SORCS1: variants seen among roughly 807,000 people sequenced by gnomAD.
SORCS1 encodes the protein sortilin related VPS10 domain containing receptor 1, also known as VPS10 domain-containing receptor SorCS1.
SORCS1 carries 60 observed loss-of-function variants against 146.1 expected under a neutral mutation model. The observed-to-expected ratio is 0.41, with a 90% confidence interval of 0.33 to 0.51. The LOEUF (loss-of-function observed/expected upper bound fraction) is 0.51, where lower values mean the gene tolerates loss of function less well. Ranked by LOEUF, SORCS1 falls within the 20% of genes least tolerant of loss-of-function variation. SORCS1 has a pLI of 0.21. For missense variants in SORCS1, 1,352 were observed against 1,487.6 expected (o/e 0.91, Z 1.50); for synonymous variants, 637 against 584.0 (o/e 1.09, Z -1.31).
At chr10:107,160,270 T>C (rs567319129) in intron 1 of SORCS1, among the ~76,000 whole-genome samples, 91 of 152,352 alleles carry the variant, frequency 6.0e-4, no homozygotes, top group African/African-American at 2.2e-3. Context: ...CAAGCCCTTC[T>C]GTGCAGTCTG....
intron 1 of SORCS1, among the ~76,000 whole-genome samples, chr10:107,118,578 G>A (rs893257791): frequency 6.6e-6 from 1 of 152,078 alleles, no homozygotes; most frequent in African/African-American, 2.4e-5. Flanking sequence ...AAATCTGTGA[G>A]GGACTTTGCA....
At chr10:107,125,879 C>A (rs749227104) in intron 1 of SORCS1, among the ~76,000 whole-genome samples, 6 of 152,116 alleles carry the variant, frequency 3.9e-5, no homozygotes, top group Non-Finnish European at 8.8e-5. Context: ...ATTAAACCAT[C>A]ATTATGGGAA....
intron 2 of SORCS1, among the ~76,000 whole-genome samples, chr10:106,837,628 T>C (rs1016720782): frequency 1.3e-5 from 2 of 150,342 alleles, no homozygotes; most frequent in Non-Finnish European, 3.0e-5. Context: ...CTACAACAAA[T>C]AAATCTCTCA....
At chr10:107,047,160 C>T (rs1255687412) in intron 1 of SORCS1, among the ~76,000 whole-genome samples, 1 of 151,856 alleles carries the variant, frequency 6.6e-6, no homozygotes. Flanking sequence ...GGCTACTTTT[C>T]GTATTTTTAG....
At chr10:107,179,333 A>G in the SORCS1 span, among the ~76,000 whole-genome samples, 4 of 152,192 alleles carry the variant, frequency 2.6e-5, no homozygotes, top group African/African-American at 9.6e-5. Flanking sequence ...AATTAGCCTG[A>G]TGTAATCATT....
intron 2 of SORCS1, 78 bp downstream of exon 2, chr10:106,956,435 G>T: frequency 7.4e-7 from 1 of 1,349,788 alleles, no homozygotes; most frequent in Non-Finnish European, 1.0e-6. Flanking sequence ...TTCCTGCCAG[G>T]AAAAAGTGGG....
chr10:106,947,305 T>C (rs1011025877), intron 2 of SORCS1, among the ~76,000 whole-genome samples: 1 of 152,214 alleles, frequency 6.6e-6, no homozygotes, highest in African/African-American at 2.4e-5. Flanking sequence ...AAGAATTCTA[T>C]TGTACTTTAT....
At chr10:107,126,231 A>C (rs1966704115) in intron 1 of SORCS1, among the ~76,000 whole-genome samples, 1 of 152,192 alleles carries the variant, frequency 6.6e-6, no homozygotes, top group South Asian at 2.1e-4. Flanking sequence ...ATCTAAAACA[A>C]ACAAACAAAC....
At chr10:106,835,795 C>T (rs1292442939) in intron 2 of SORCS1, among the ~76,000 whole-genome samples, 13 of 151,562 alleles carry the variant, frequency 8.6e-5, no homozygotes, top group Admixed American at 8.6e-4. Context: ...CAACTGAGGT[C>T]GGGAGTTTGA....
chr10:107,058,779 T>C (rs1351011815), intron 1 of SORCS1, among the ~76,000 whole-genome samples: 2 of 152,218 alleles, frequency 1.3e-5, no homozygotes, highest in Non-Finnish European at 2.9e-5. Flanking sequence ...AATTACTAAA[T>C]ACCATTATAT....
chr10:106,785,574 A>C (rs1483855916), intron 3 of SORCS1, among the ~76,000 whole-genome samples: 1 of 152,208 alleles, frequency 6.6e-6, no homozygotes, highest in East Asian at 1.9e-4. Flanking sequence ...ACTAACAAGT[A>C]CGTTTTAATT....
chr10:106,712,095 G>A (rs953935392), intron 6 of SORCS1, among the ~76,000 whole-genome samples: 5 of 152,292 alleles, frequency 3.3e-5, no homozygotes, highest in Middle Eastern at 3.4e-3. Flanking sequence ...TACTGAAAGC[G>A]AATCACTGAG....
intron 2 of SORCS1, among the ~76,000 whole-genome samples, chr10:106,901,908 G>C (rs1951722155): frequency 6.6e-6 from 1 of 152,100 alleles, no homozygotes; most frequent in African/African-American, 2.4e-5. Flanking sequence ...GCCAGGCATG[G>C]TGGCGGGCAC....
chr10:106,841,116 AGT>A (rs1949020386), intron 2 of SORCS1, among the ~76,000 whole-genome samples: 1 of 151,980 alleles, frequency 6.6e-6, no homozygotes, highest in African/African-American at 2.4e-5. Context: ...GGCCTCCAAA[AGT>A]GTTGGGATTA....
Position 106,995,067 on chromosome 10 carries a change from C to G in SORCS1, c.559-38487G>C, listed in dbSNP as rs1056403174. Among the ~76,000 whole-genome samples, 4 of 152,172 alleles carry G rather than the reference C, an allele frequency of 2.6e-5. No homozygotes were observed. In the South Asian group the frequency reaches 8.3e-4, roughly 32 times the overall value. On this transcript the variant is annotated intron_variant, in intron 1 of 25. Transcript: ENST00000263054. ...GTGGCTCACGCCTGTAATCCCAGCA[C>G]TTTGGGAGGCCGAGGCAGGTGGATC... is the stretch of plus-strand genomic sequence containing the variant.
At chr10:106,718,969 G>A (rs1855589388) in intron 6 of SORCS1, among the ~76,000 whole-genome samples, 1 of 152,062 alleles carries the variant, frequency 6.6e-6, no homozygotes, top group Non-Finnish European at 1.5e-5. Flanking sequence ...CAAACCTTTA[G>A]CTAGACACAA....
In SORCS1 at chr10:106,963,337, G is replaced by C. The variant is rs998577733; in HGVS notation, c.559-6757C>G. Among the ~76,000 whole-genome samples, 61 of 151,908 alleles carry C rather than the reference G, an allele frequency of 4.0e-4. 1 individual carries two copies. The highest frequency in any genetic ancestry group is 3.4e-3 in the Middle Eastern group (1 of 294). ...TCACCGTGTTAGCCAGGATGGTCTCGATCTCCTGACCTTGTGATCCGCCCA... is the reference window on the plus strand; with the variant it reads ...TCACCGTGTTAGCCAGGATGGTCTCCATCTCCTGACCTTGTGATCCGCCCA... On this transcript the variant is annotated intron_variant, in intron 1 of 25. Transcript: ENST00000263054.
At chr10:106,669,367 T>C (rs7075719) in intron 16 of SORCS1, among the ~76,000 whole-genome samples, 17,637 of 152,178 alleles carry the variant, frequency 0.12, 1,273 homozygotes, top group East Asian at 0.31. Context: ...CATCTCATTT[T>C]TTTTTTTCTC....
At chr10:106,822,802 T>TTTTTTTTTG (rs994708912) in intron 3 of SORCS1, among the ~76,000 whole-genome samples, 2 of 140,192 alleles carry the variant, frequency 1.4e-5, no homozygotes, top group African/African-American at 5.7e-5. Context: ...TTTTTTTTTT[T>TTTTTTTTTG]GAATATTGCT....
Sources: gnomAD v4.1 joint callset for allele counts (sites outside exome capture counted in the v4.1 genomes callset) on GRCh38, gnomAD v4.1.1 for gene constraint, MANE v1.5 for transcripts, NCBI Gene and HGNC (gene_info 2026-07-23, HGNC 2026-07-21) for gene names.